Variants in PTPRN2 observed in about 807,000 individuals in gnomAD.
The protein encoded by PTPRN2 is receptor-type tyrosine-protein phosphatase N2.
In PTPRN2, 74 loss-of-function variants were observed where a neutral mutation model predicts 118.8. That is an observed-to-expected ratio of 0.62 (90% CI 0.52 to 0.76). PTPRN2 has a LOEUF of 0.76. PTPRN2 is among the 30% of genes least tolerant of loss of function. The pLI is 0.00. For missense variants in PTPRN2, 1,481 were observed against 1,394.4 expected (o/e 1.06, Z -0.99); for synonymous variants, 641 against 608.0 (o/e 1.05, Z -0.80).
intron 11 of PTPRN2, among the ~76,000 whole-genome samples, chr7:158,040,417 A>C (rs201454612): frequency 9.8e-5 from 12 of 122,106 alleles, no homozygotes; most frequent in Middle Eastern, 4.7e-3. Context: ...CACACACACA[A>C]ACACACTGCA....
At chr7:157,701,363 C>T (rs1171275654) in intron 12 of PTPRN2, among the ~76,000 whole-genome samples, 2 of 152,126 alleles carry the variant, frequency 1.3e-5, no homozygotes, top group African/African-American at 4.8e-5. Flanking sequence ...CAAGCCTCCC[C>T]CCAGTAATAA....
At chr7:157,721,452 T>C (rs1799226673) in intron 12 of PTPRN2, among the ~76,000 whole-genome samples, 2 of 152,194 alleles carry the variant, frequency 1.3e-5, no homozygotes, top group South Asian at 2.1e-4. Context: ...AGGGGACGAG[T>C]GTCCATGCCA....
intron 3 of PTPRN2, among the ~76,000 whole-genome samples, chr7:158,207,258 G>A (rs548403421): frequency 2.6e-3 from 380 of 143,814 alleles, no homozygotes; most frequent in South Asian, 5.1e-3. Context: ...GAATAATGCC[G>A]CAATAAACAT....
chr7:158,432,371 G>GT (rs906363548), intron 2 of PTPRN2, among the ~76,000 whole-genome samples: 2 of 152,182 alleles, frequency 1.3e-5, no homozygotes, highest in Non-Finnish European at 2.9e-5. Flanking sequence ...ACAAAGTCCT[G>GT]TAACACAGAG....
chr7:158,155,027 T>C (rs903117382), intron 6 of PTPRN2, among the ~76,000 whole-genome samples: 2 of 152,228 alleles, frequency 1.3e-5, no homozygotes, highest in Non-Finnish European at 2.9e-5. Flanking sequence ...AAGTAAAACG[T>C]TGTGTTCCAT....
At chr7:158,264,137 C>G (rs1424139117) in intron 3 of PTPRN2, among the ~76,000 whole-genome samples, 1 of 152,218 alleles carries the variant, frequency 6.6e-6, no homozygotes, top group East Asian at 1.9e-4. Context: ...TCAAGGCTTG[C>G]TGATAACATT....
intron 11 of PTPRN2, among the ~76,000 whole-genome samples, chr7:157,945,405 C>T (rs946096293): frequency 3.3e-5 from 5 of 152,182 alleles, no homozygotes; most frequent in Non-Finnish European, 7.3e-5. Flanking sequence ...TTCCATCCTA[C>T]TGCTCCTCCA....
rs747648480 is a variant in PTPRN2, at chr7:158,574,566, G to A, written c.112+12992C>T. 6.6e-6 allele frequency among the ~76,000 whole-genome samples: 1 copy of A among 152,192 alleles called. No homozygotes were observed. Among genetic ancestry groups the A allele is most frequent in the Non-Finnish European group, 1.5e-5 (1 of 68,040 alleles). On this transcript the variant is annotated intron_variant, in intron 1 of 22. Coordinates refer to ENST00000389418, the MANE Select transcript of PTPRN2 (RefSeq NM_002847.5). The surrounding 1 kb of genome is among the most constrained non-coding windows in gnomAD (Gnocchi z 4.6). ...CCCAAGAGCCCTGTCCAGGGCTTGG[G>A]CTTCCTTCCTAAGGTTAGATGTGGG...
chr7:158,309,289 T>G (rs1801523190), intron 3 of PTPRN2, among the ~76,000 whole-genome samples: 1 of 151,968 alleles, frequency 6.6e-6, no homozygotes, highest in Admixed American at 6.5e-5. Context: ...CTAATCAGCT[T>G]CCAGCATGGC....
chr7:158,196,206 C>T (rs1051370983), intron 4 of PTPRN2, among the ~76,000 whole-genome samples: 20 of 152,310 alleles, frequency 1.3e-4, no homozygotes, highest in Middle Eastern at 3.4e-3. Context: ...CAGTCATCTA[C>T]CAAATCCTCA....
chr7:158,491,962 G>T (rs1436714440), intron 1 of PTPRN2, among the ~76,000 whole-genome samples: 1 of 152,204 alleles, frequency 6.6e-6, no homozygotes, highest in African/African-American at 2.4e-5. Flanking sequence ...TTGAACAGCA[G>T]GAGGAGAGGC....
rs1041266329 is a variant in PTPRN2 at position 157,763,109 on chromosome 7, C to T, written c.1789-80172G>A. 1.5e-5 allele frequency among the ~76,000 whole-genome samples: 2 copies of T among 130,554 alleles called. No individual in the cohort carries two copies. Among genetic ancestry groups the T allele is most frequent in the South Asian group, 2.2e-4 (1 of 4,494 alleles). 85.6% of individuals were successfully genotyped at this position (130,554 alleles called of 152,430 possible). On this transcript the variant is annotated intron_variant, in intron 12 of 22. Coordinates refer to ENST00000389418, the MANE Select transcript of PTPRN2 (RefSeq NM_002847.5). The surrounding 1 kb of genome is among the most constrained non-coding windows in gnomAD (Gnocchi z 4.9). ...TCACAGAGCTAACCATCAGAGCCCACGGCCGCCCACTCATGGTCGGTCACA... is the reference window on the plus strand; with the variant it reads ...TCACAGAGCTAACCATCAGAGCCCATGGCCGCCCACTCATGGTCGGTCACA...
intron 3 of PTPRN2, among the ~76,000 whole-genome samples, chr7:158,219,660 T>A (rs1828204472): frequency 1.3e-5 from 2 of 151,962 alleles, no homozygotes; most frequent in African/African-American, 4.8e-5. Flanking sequence ...GACCACTAGC[T>A]AGATTAACAA....
rs1585066243 is a variant in PTPRN2, at chr7:157,585,830, T to A, written c.2497-7690A>T. Among the ~76,000 whole-genome samples the A allele has an allele frequency of 6.6e-6, 1 of 152,208 alleles. No individual in the cohort carries two copies. The highest frequency in any genetic ancestry group is 1.9e-4 in the East Asian group (1 of 5,188). On this transcript the variant is annotated intron_variant, in intron 17 of 22. Transcript: ENST00000389418. The surrounding 1 kb of genome is among the most constrained non-coding windows in gnomAD (Gnocchi z 5.2). Reference sequence around the variant, plus strand: ...ACAGGAGCAGCAGAGCCTGCTGTTCTCAGCTGGAGCAGTAAGAATCAGTCA... The same window carrying A: ...ACAGGAGCAGCAGAGCCTGCTGTTCACAGCTGGAGCAGTAAGAATCAGTCA...
chr7:158,320,662 T>C (rs1802940097), intron 2 of PTPRN2, among the ~76,000 whole-genome samples: 2 of 152,244 alleles, frequency 1.3e-5, no homozygotes, highest in African/African-American at 2.4e-5. Flanking sequence ...CGGTATCTCA[T>C]GATTTTTTAT....
At chr7:158,177,065 T>C (rs1351110552) in intron 5 of PTPRN2, among the ~76,000 whole-genome samples, 1 of 152,218 alleles carries the variant, frequency 6.6e-6, no homozygotes, top group Non-Finnish European at 1.5e-5. Context: ...CTGTGGGCAG[T>C]CATGGGCCAG....
intron 11 of PTPRN2, among the ~76,000 whole-genome samples, chr7:157,923,091 T>C (rs1798776025): frequency 6.6e-6 from 1 of 152,238 alleles, no homozygotes; most frequent in Non-Finnish European, 1.5e-5. Context: ...CTAGGCTGTG[T>C]GTGTCAATAA....
chr7:157,734,195 T>TCCACCCCATGCTCCCAGCACAG (rs1380133682), intron 12 of PTPRN2, among the ~76,000 whole-genome samples: 3 of 142,280 alleles, frequency 2.1e-5, no homozygotes, highest in East Asian at 4.7e-4. Flanking sequence ...CAGTTACTCT[T>TCCACCCCATGCTCCCAGCACAG]TTCCGTCCCA....
chr7:158,245,084 AT>A (rs1796133704), intron 3 of PTPRN2, among the ~76,000 whole-genome samples: 1 of 152,248 alleles, frequency 6.6e-6, no homozygotes, highest in Non-Finnish European at 1.5e-5. Flanking sequence ...CCAGCCCTGC[AT>A]CTGCAGCGTG....
Sources: gnomAD v4.1 joint callset for allele counts (sites outside exome capture counted in the v4.1 genomes callset) on GRCh38, gnomAD v4.1.1 for gene constraint, Gnocchi (gnomAD v3.1) non-coding constraint, MANE v1.5 for transcripts, NCBI Gene and HGNC (gene_info 2026-07-23, HGNC 2026-07-21) for gene names.